PDE4C: variants seen among roughly 807,000 people sequenced by gnomAD.
The protein encoded by PDE4C is phosphodiesterase 4C.
Under a neutral mutation model 63.9 loss-of-function variants are expected in PDE4C, and 50 were observed. That is an observed-to-expected ratio of 0.78 (90% CI 0.62 to 0.99). PDE4C has a LOEUF of 0.99. PDE4C is among the 50% of genes least tolerant of loss of function. PDE4C has a pLI of 0.00. For missense variants in PDE4C, 777 were observed against 899.1 expected (o/e 0.86, Z 1.74); for synonymous variants, 377 against 385.1 (o/e 0.98, Z 0.25).
At chr19:18,218,606 T>TGAA in intron 9 of PDE4C, 108 bp from the exon 10 acceptor site, 1 of 1,239,880 alleles carries the variant, frequency 8.1e-7, no homozygotes, top group Non-Finnish European at 1.2e-6. Context: ...CACCTGCTCC[T>TGAA]CTGAGATGCC....
At chr19:18,251,045 G>T (rs568635636), upstream of PDE4C, among the ~76,000 whole-genome samples, 1 of 151,928 alleles carries the variant, frequency 6.6e-6, no homozygotes, top group South Asian at 2.1e-4. Context: ...CAAAGTGCTG[G>T]GATTACAGGC....
At chr19:18,252,202 T>G, upstream of PDE4C, 1 of 398,876 alleles carries the variant, frequency 2.5e-6, no homozygotes, top group Non-Finnish European at 4.4e-6. Flanking sequence ...AGCTCTGCAC[T>G]GGGGGAGCCA....
rs78052308 is a variant in PDE4C at position 18,248,113 on chromosome 19, C to T, written c.-210+58G>A. The T allele has an allele frequency of 6.9e-3, 3,115 of 454,052 alleles. 38 individuals carry two copies. Among genetic ancestry groups the T allele is most frequent in the South Asian group, 0.025 (1,586 of 64,386 alleles). The allele number at this position is 454,052 out of a possible 1,614,324, so 28.1% of individuals were successfully genotyped here. A position where few individuals can be genotyped will look rare whatever the true frequency, so the allele number is the denominator to read the frequency against. The stretch of plus-strand genomic sequence containing the variant: ...CGAGACCCCAGCACCTCTCCTGAGA[C>T]GCCCCCAAGCTCAAGAATAAGCTTG... On this transcript the variant is annotated intron_variant, in intron 1 of 15. Coordinates refer to the PDE4C transcript ENST00000594617.
upstream of PDE4C, among the ~76,000 whole-genome samples, chr19:18,228,471 C>A (rs903009725): frequency 1.3e-5 from 2 of 152,146 alleles, no homozygotes; most frequent in African/African-American, 4.8e-5. Flanking sequence ...GACACACAGC[C>A]ATAAGGTGCA....
intron 1 of PDE4C, among the ~76,000 whole-genome samples, chr19:18,246,053 C>T (rs918047462): frequency 1.4e-5 from 2 of 143,040 alleles, no homozygotes; most frequent in Admixed American, 6.9e-5. Flanking sequence ...CTCTGTCATC[C>T]AGGCTGGAGT....
At chr19:18,238,440 G>A (rs970593427), upstream of PDE4C, among the ~76,000 whole-genome samples, 5 of 151,674 alleles carry the variant, frequency 3.3e-5, no homozygotes, top group Middle Eastern at 3.4e-3. Flanking sequence ...TTTTCACCAC[G>A]TTGGCCAGGC....
chr19:18,213,574 C>T, intron 12 of PDE4C, 84 bp from the exon 13 acceptor site: 1 of 1,448,992 alleles, frequency 6.9e-7, no homozygotes. Context: ...GCCACTCTGG[C>T]TCAGACTCAG....
chr19:18,217,123 C>G (rs1170464311), intron 11 of PDE4C: 1 of 455,374 alleles, frequency 2.2e-6, no homozygotes, highest in East Asian at 3.4e-5. Flanking sequence ...TCCTCATGGA[C>G]CCCCTATGGC....
intron 1 of PDE4C, among the ~76,000 whole-genome samples, chr19:18,244,301 G>GC (rs1969092908): frequency 1.4e-5 from 2 of 139,208 alleles, no homozygotes; most frequent in Middle Eastern, 3.8e-3. Flanking sequence ...GTTTTGTTTT[G>GC]TTTTTTTTTT....
upstream of PDE4C, chr19:18,249,819 C>T (rs567566301): frequency 2.6e-5 from 7 of 264,970 alleles, no homozygotes; most frequent in East Asian, 2.7e-4. Context: ...GAGATCTGCC[C>T]GCCTTGGCCT....
chr19:18,220,223 C>T lies in PDE4C; in HGVS notation c.706+3G>A. On this transcript the variant is annotated splice_donor_region_variant and intron_variant, in intron 7 of 14. Transcript: ENST00000262805. The surrounding 1 kb of genome is among the most constrained non-coding windows in gnomAD (Gnocchi z 5.1). ...GTCCAGGCAGTGACTCAACAAAGCT[C>T]ACCCAGGAAGGTCCGGGAGATGTAC... is the stretch of plus-strand genomic sequence containing the variant. 1.2e-6 allele frequency: 2 copies of T among 1,612,638 alleles called. No homozygotes were observed. Among genetic ancestry groups the T allele is most frequent in the Non-Finnish European group, 1.7e-6 (2 of 1,178,788 alleles).
In PDE4C at chr19:18,211,746, G is replaced by C; in HGVS notation, c.1695+13C>G. 6.2e-7 allele frequency: 1 copy of C among 1,614,044 alleles called. No homozygotes were observed. The highest frequency in any genetic ancestry group is 8.5e-7 in the Non-Finnish European group (1 of 1,179,904). On this transcript the variant is annotated intron_variant, in intron 14 of 14. Coordinates refer to ENST00000262805, the Ensembl canonical transcript of PDE4C. ...TCCCAGTGTCTACCGGTTCAGCCCAGTCCCCTGCCAACCTGGGACTTCTCC... is the reference window on the plus strand; with the variant it reads ...TCCCAGTGTCTACCGGTTCAGCCCACTCCCCTGCCAACCTGGGACTTCTCC...
intron 1 of PDE4C, among the ~76,000 whole-genome samples, chr19:18,246,840 T>C (rs1170882937): frequency 6.6e-6 from 1 of 151,902 alleles, no homozygotes; most frequent in East Asian, 1.9e-4. Context: ...GGGAGGAGAA[T>C]CACTTAAACC....
chr19:18,241,925 G>A (rs955917139), intron 1 of PDE4C, among the ~76,000 whole-genome samples: 1 of 151,596 alleles, frequency 6.6e-6, no homozygotes, highest in Admixed American at 6.6e-5. Context: ...ATTTGTTCAC[G>A]TATTCATTGA....
chr19:18,226,535 G>T, upstream of PDE4C: 1 of 718,470 alleles, frequency 1.4e-6, no homozygotes, highest in Non-Finnish European at 2.0e-6. Context: ...CCTCGAGGCC[G>T]GCGGCTCCCT....
intron 14 of PDE4C, 23 bp from the exon 15 acceptor site, chr19:18,211,299 T>C: frequency 6.5e-7 from 1 of 1,542,500 alleles, no homozygotes; most frequent in Non-Finnish European, 8.8e-7. Flanking sequence ...GTGGGGCATG[T>C]CGGCATTTGG....
At chr19:18,249,278 T>G (rs1357061978), upstream of PDE4C, among the ~76,000 whole-genome samples, 3 of 151,912 alleles carry the variant, frequency 2.0e-5, no homozygotes, top group Non-Finnish European at 4.4e-5. Flanking sequence ...ACCCCCAGTT[T>G]TGTTTGTTTG....
chr19:18,224,743 C>G (rs1036887749), intron 1 of PDE4C, among the ~76,000 whole-genome samples: 11 of 152,218 alleles, frequency 7.2e-5, no homozygotes, highest in African/African-American at 2.4e-4. Flanking sequence ...CCGACTCCAG[C>G]GGGTTTAGCA....
chr19:18,230,982 C>G (rs1308218609), upstream of PDE4C, among the ~76,000 whole-genome samples: 1 of 152,202 alleles, frequency 6.6e-6, no homozygotes, highest in African/African-American at 2.4e-5. Flanking sequence ...GAAGCACATT[C>G]CCCCAACAGT....
Sources: gnomAD v4.1 joint callset for allele counts (sites outside exome capture counted in the v4.1 genomes callset) on GRCh38, gnomAD v4.1.1 for gene constraint, Gnocchi (gnomAD v3.1) non-coding constraint, MANE v1.5 for transcripts, NCBI Gene and HGNC (gene_info 2026-07-23, HGNC 2026-07-21) for gene names.